ZMAT4: variants seen among roughly 807,000 people sequenced by gnomAD.
ZMAT4 encodes the protein zinc finger matrin-type 4.
A neutral mutation model predicts 28.7 loss-of-function variants in ZMAT4; 17 were observed. The ratio of observed to expected loss-of-function variants is 0.59; its 90% CI spans 0.41 to 0.89. The LOEUF is 0.89. ZMAT4 is among the 40% of genes least tolerant of loss of function. The probability of loss-of-function intolerance (pLI) is 0.00; values close to 1 mark genes in which losing one functional copy is unlikely to be tolerated. For missense variants in ZMAT4, 240 were observed against 283.8 expected (o/e 0.85, Z 1.11); for synonymous variants, 117 against 109.2 (o/e 1.07, Z -0.44).
At chr8:40,678,658 G>T (rs531304099) in intron 4 of ZMAT4, among the ~76,000 whole-genome samples, 1 of 152,122 alleles carries the variant, frequency 6.6e-6, no homozygotes, top group Non-Finnish European at 1.5e-5. Flanking sequence ...GTGTGAATGC[G>T]CATCTGTGTG....
intron 2 of ZMAT4, among the ~76,000 whole-genome samples, chr8:40,805,585 T>G (rs962252564): frequency 7.6e-6 from 1 of 130,870 alleles, no homozygotes; most frequent in African/African-American, 2.9e-5. Flanking sequence ...TTGGCACATA[T>G]ACACCATGGA....
intron 1 of ZMAT4, among the ~76,000 whole-genome samples, chr8:40,865,288 T>C (rs1817637384): frequency 6.6e-6 from 1 of 152,104 alleles, no homozygotes; most frequent in Admixed American, 6.5e-5. Context: ...GAAAGCAAAA[T>C]ACAAGGTGCA....
At chr8:40,646,912 T>A (rs894246817) in intron 5 of ZMAT4, among the ~76,000 whole-genome samples, 1 of 152,246 alleles carries the variant, frequency 6.6e-6, no homozygotes. Flanking sequence ...TCTTCTCAAG[T>A]GCACATGAAT....
intron 2 of ZMAT4, among the ~76,000 whole-genome samples, chr8:40,818,569 A>G (rs915789128): frequency 4.6e-5 from 7 of 152,260 alleles, no homozygotes; most frequent in African/African-American, 1.7e-4. Flanking sequence ...TGAAACAGTG[A>G]TTCTCAATGT....
intron 2 of ZMAT4, among the ~76,000 whole-genome samples, chr8:40,785,831 A>G (rs1814049737): frequency 6.6e-6 from 1 of 152,210 alleles, no homozygotes; most frequent in East Asian, 1.9e-4. Flanking sequence ...CCCTCCCACC[A>G]TCTGCTCTTA....
At chr8:40,604,565 G>A (rs1805514930) in intron 5 of ZMAT4, among the ~76,000 whole-genome samples, 1 of 152,182 alleles carries the variant, frequency 6.6e-6, no homozygotes, top group Non-Finnish European at 1.5e-5. Context: ...TTCCAGGTAT[G>A]AAACTCACTT....
At chr8:40,728,924 C>T (rs148128491) in intron 3 of ZMAT4, among the ~76,000 whole-genome samples, 235 of 152,212 alleles carry the variant, frequency 1.5e-3, no homozygotes, top group African/African-American at 5.5e-3. Flanking sequence ...GGACTTCATA[C>T]GAATCGAATT....
chr8:40,892,773 G>C (rs1410291439), intron 1 of ZMAT4, among the ~76,000 whole-genome samples: 1 of 152,178 alleles, frequency 6.6e-6, no homozygotes, highest in Non-Finnish European at 1.5e-5. Context: ...CCATGCAATA[G>C]ACAGAATCTG....
intron 6 of ZMAT4, among the ~76,000 whole-genome samples, chr8:40,558,963 G>A (rs1803639007): frequency 6.6e-6 from 1 of 152,134 alleles, no homozygotes; most frequent in Non-Finnish European, 1.5e-5. Flanking sequence ...CAGGACCTAA[G>A]GCCATGCCAG....
intron 3 of ZMAT4, among the ~76,000 whole-genome samples, chr8:40,758,538 T>C (rs935181397): frequency 2.0e-5 from 3 of 152,230 alleles, no homozygotes; most frequent in Non-Finnish European, 2.9e-5. Context: ...ATTCCTTCCC[T>C]GAATATAGAT....
At chr8:40,664,399 A>G (rs1371871168) in intron 5 of ZMAT4, among the ~76,000 whole-genome samples, 2 of 152,202 alleles carry the variant, frequency 1.3e-5, no homozygotes, top group African/African-American at 4.8e-5. Context: ...TTGTTGGTGC[A>G]TAGCTATTCA....
At chr8:40,552,604 G>A (rs1803398938) in intron 6 of ZMAT4, among the ~76,000 whole-genome samples, 1 of 152,138 alleles carries the variant, frequency 6.6e-6, no homozygotes, top group African/African-American at 2.4e-5. Flanking sequence ...AGGAGACAGT[G>A]TATGAAAACA....
intron 6 of ZMAT4, among the ~76,000 whole-genome samples, chr8:40,547,832 GA>G: frequency 6.6e-6 from 1 of 152,132 alleles, no homozygotes; most frequent in African/African-American, 2.4e-5. Flanking sequence ...AGAGACTCAC[GA>G]TGAATGAAAA....
chr8:40,736,275 G>C (rs774866815), intron 3 of ZMAT4, among the ~76,000 whole-genome samples: 1 of 152,170 alleles, frequency 6.6e-6, no homozygotes, highest in Non-Finnish European at 1.5e-5. Context: ...GCTGCAAACA[G>C]CTCACCAGGA....
intron 2 of ZMAT4, among the ~76,000 whole-genome samples, chr8:40,788,765 A>G (rs72641534): frequency 0.43 from 61,243 of 144,048 alleles, 12,847 homozygotes; most frequent in Middle Eastern, 0.51. Flanking sequence ...AGGACATTAC[A>G]AGGAAAAAAA....
At chr8:40,659,854 C>T (rs533590768) in intron 5 of ZMAT4, among the ~76,000 whole-genome samples, 90 of 152,212 alleles carry the variant, frequency 5.9e-4, no homozygotes, top group Non-Finnish European at 8.2e-4. Context: ...CCTGAATCCA[C>T]TACGCTGAAC....
intron 1 of ZMAT4, among the ~76,000 whole-genome samples, chr8:40,891,436 G>A (rs1038457297): frequency 1.3e-5 from 2 of 151,746 alleles, no homozygotes; most frequent in Non-Finnish European, 2.9e-5. Context: ...GTGGTCCCTG[G>A]GTTTCCTCCC....
chr8:40,655,127 CAA>C (rs1807858975), intron 5 of ZMAT4, among the ~76,000 whole-genome samples: 1 of 150,578 alleles, frequency 6.6e-6, no homozygotes, highest in Non-Finnish European at 1.5e-5. Context: ...TGCAAGGTTG[CAA>C]GATACAAGAT....
At chr8:40,740,927 A>G (rs1428474140) in intron 3 of ZMAT4, among the ~76,000 whole-genome samples, 1 of 151,956 alleles carries the variant, frequency 6.6e-6, no homozygotes, top group Non-Finnish European at 1.5e-5. Flanking sequence ...TGAAGAATCT[A>G]TTTCAGTGGG....
Sources: allele counts gnomAD v4.1 joint callset (sites outside exome capture counted in the v4.1 genomes callset), GRCh38; gene constraint gnomAD v4.1.1; transcripts MANE v1.5; gene names NCBI Gene and HGNC (gene_info 2026-07-23, HGNC 2026-07-21).